NALF1: variants seen among roughly 807,000 people sequenced by gnomAD.
The protein encoded by NALF1 is NALCN channel auxiliary factor 1, also known as family with sequence similarity 155 member A.
NALF1 carries 3 observed loss-of-function variants against 48.4 expected under a neutral mutation model. The ratio of observed to expected loss-of-function variants is 0.06; its 90% confidence interval spans 0.03 to 0.16. The LOEUF (loss-of-function observed/expected upper bound fraction) is 0.16. Ranked by LOEUF, NALF1 falls within the 10% of genes least tolerant of loss-of-function variation. The pLI is 1.00. For synonymous variants in NALF1, 262 were observed against 245.7 expected (o/e 1.07, Z -0.62); for missense variants, 526 against 571.5 (o/e 0.92, Z 0.81).
At chr13:107,241,271 C>T (rs1009951739) in intron 1 of NALF1, among the ~76,000 whole-genome samples, 1 of 152,114 alleles carries the variant, frequency 6.6e-6, no homozygotes, top group African/African-American at 2.4e-5. Flanking sequence ...ATTATCATCT[C>T]CTCAATCTTT....
chr13:107,715,961 G>A (rs1470608991), intron 1 of NALF1, among the ~76,000 whole-genome samples: 5 of 152,140 alleles, frequency 3.3e-5, no homozygotes, highest in African/African-American at 1.2e-4. Context: ...CAGTTAAAGA[G>A]GATGGTATGC....
At chr13:107,644,930 A>G (rs1270870201) in intron 1 of NALF1, among the ~76,000 whole-genome samples, 1 of 151,778 alleles carries the variant, frequency 6.6e-6, no homozygotes. Context: ...AGAATCATAT[A>G]TTTTATTTTC....
intron 1 of NALF1, among the ~76,000 whole-genome samples, chr13:107,324,431 T>C (rs1176713201): frequency 1.3e-5 from 2 of 152,206 alleles, no homozygotes; most frequent in Admixed American, 1.3e-4. Flanking sequence ...CTTGACCTTG[T>C]ACTTAACTTT....
intron 1 of NALF1, among the ~76,000 whole-genome samples, chr13:107,365,769 A>C (rs758151774): frequency 1.3e-5 from 2 of 152,220 alleles, no homozygotes; most frequent in Non-Finnish European, 2.9e-5. Flanking sequence ...TCACTAATTA[A>C]ATAGATCTTC....
chr13:107,816,532 G>A (rs1879168384), intron 1 of NALF1, among the ~76,000 whole-genome samples: 2 of 152,080 alleles, frequency 1.3e-5, no homozygotes, highest in African/African-American at 2.4e-5. Context: ...TCAGCCCCAC[G>A]ATTCAATTAT....
Position 107,169,198 on chromosome 13 carries a change from T to C in NALF1, c.*1299A>G, listed in dbSNP as rs1275942762. The C allele has an allele frequency of 6.6e-6, 1 of 152,464 alleles. No homozygotes were observed. Among genetic ancestry groups the C allele is most frequent in the Non-Finnish European group, 1.5e-5 (1 of 68,032 alleles). 9.4% of individuals were successfully genotyped at this position (152,464 alleles called of 1,614,324 possible). On this transcript the variant is annotated 3_prime_UTR_variant, in exon 3 of 3. Transcript: ENST00000375915. ...GAGTGATAAAGTTTTTGCACGTTAA[T>C]AAAAATGGCTGACCTATTTATTTTT...
intron 1 of NALF1, among the ~76,000 whole-genome samples, chr13:107,821,417 C>T (rs1012196723): frequency 1.3e-5 from 2 of 152,126 alleles, no homozygotes; most frequent in East Asian, 1.9e-4. Context: ...TTTGAGATGA[C>T]GCGTGAGGGC....
rs115450723 is a variant in NALF1 at position 107,715,221 on chromosome 13, A to C, written c.915+150461T>G. 1.6e-3 allele frequency among the ~76,000 whole-genome samples: 233 copies of C among 149,020 alleles called. 1 individual carries two copies. The highest frequency in any genetic ancestry group is 5.6e-3 in the African/African-American group (223 of 40,142). On this transcript the variant is annotated intron_variant, in intron 1 of 2. Transcript: ENST00000375915. ...TTCTCTCTCTTTCTTTTTTTTTTTG[A>C]AACAGAGTTTCACGCTTGTTGCCCA...
At chr13:107,183,267 T>G (rs970934101) in intron 2 of NALF1, among the ~76,000 whole-genome samples, 3 of 152,152 alleles carry the variant, frequency 2.0e-5, no homozygotes, top group East Asian at 1.9e-4. Context: ...CAGGGAGGGA[T>G]TCTCACAGCT....
At chr13:107,449,196 A>G (rs1884700718) in intron 1 of NALF1, among the ~76,000 whole-genome samples, 3 of 152,118 alleles carry the variant, frequency 2.0e-5, no homozygotes, top group Admixed American at 6.6e-5. Flanking sequence ...GTGAGCTGAG[A>G]TCATGCTATT....
At chr13:107,264,668 T>C (rs1191534441) in intron 1 of NALF1, among the ~76,000 whole-genome samples, 1 of 152,250 alleles carries the variant, frequency 6.6e-6, no homozygotes, top group Non-Finnish European at 1.5e-5. Flanking sequence ...TTGATATTTA[T>C]CTTTCCAGGT....
At chr13:107,731,688 A>G (rs1436734526) in intron 1 of NALF1, among the ~76,000 whole-genome samples, 1 of 152,124 alleles carries the variant, frequency 6.6e-6, no homozygotes, top group African/African-American at 2.4e-5. Context: ...TTTGCTAAGG[A>G]TGATGGCCTC....
chr13:107,472,284 G>A (rs1365067125), intron 1 of NALF1, among the ~76,000 whole-genome samples: 5 of 152,258 alleles, frequency 3.3e-5, no homozygotes, highest in East Asian at 1.9e-4. Flanking sequence ...AGCTGAGATC[G>A]TGCCATTGCA....
intron 1 of NALF1, among the ~76,000 whole-genome samples, chr13:107,320,361 A>T (rs1249333543): frequency 6.6e-6 from 1 of 152,058 alleles, no homozygotes; most frequent in Admixed American, 6.6e-5. Context: ...AAGACAAAAA[A>T]CTTAACCAAC....
At chr13:107,655,049 A>G (rs975988042) in intron 1 of NALF1, among the ~76,000 whole-genome samples, 5 of 152,170 alleles carry the variant, frequency 3.3e-5, no homozygotes, top group Non-Finnish European at 5.9e-5. Context: ...ATTATACTGA[A>G]TGGGGAAAAG....
rs529794382 is a variant in NALF1, at chr13:107,303,595, C to T, written c.916-92840G>A. Among the ~76,000 whole-genome samples, 13 of 152,310 alleles carry T rather than the reference C, an allele frequency of 8.5e-5. No homozygotes were observed. The East Asian group carries it at 1.7e-3, about 20-fold the overall frequency. On this transcript the variant is annotated intron_variant, in intron 1 of 2. Coordinates refer to ENST00000375915, the MANE Select transcript of NALF1 (RefSeq NM_001080396.3). ...AGCTGTAAGACTCGTGGACTCAACACCATCCCCTGTTTTCATTATTACAAA... is the reference window on the plus strand; with the variant it reads ...AGCTGTAAGACTCGTGGACTCAACATCATCCCCTGTTTTCATTATTACAAA...
intron 1 of NALF1, among the ~76,000 whole-genome samples, chr13:107,753,494 CTTTT>C (rs200846121): frequency 1.5e-5 from 2 of 137,070 alleles, no homozygotes; most frequent in Non-Finnish European, 1.6e-5. Flanking sequence ...CCAAGGCAGT[CTTTT>C]TTTTTTTTTT....
chr13:107,696,148 TG>T (rs1354420290), intron 1 of NALF1, among the ~76,000 whole-genome samples: 1 of 152,190 alleles, frequency 6.6e-6, no homozygotes, highest in Non-Finnish European at 1.5e-5. Flanking sequence ...CTGCCCTTCT[TG>T]GCCTCCCAAA....
chr13:107,669,095 T>G (rs1454132293), intron 1 of NALF1, among the ~76,000 whole-genome samples: 1 of 152,124 alleles, frequency 6.6e-6, no homozygotes, highest in Non-Finnish European at 1.5e-5. Context: ...TTATATTTAT[T>G]TATATAATCA....
Sources: allele counts gnomAD v4.1 joint callset (sites outside exome capture counted in the v4.1 genomes callset), GRCh38; gene constraint gnomAD v4.1.1; transcripts MANE v1.5; gene names NCBI Gene and HGNC (gene_info 2026-07-23, HGNC 2026-07-21).